CDK14: variants seen among roughly 807,000 people sequenced by gnomAD.
CDK14 encodes the protein cyclin dependent kinase 14, also known as cyclin-dependent kinase 14.
Under a neutral mutation model 60.7 loss-of-function variants are expected in CDK14, and 34 were observed. The ratio of observed to expected loss-of-function variants is 0.56; its 90% CI spans 0.43 to 0.75. The LOEUF is 0.75. Ranked by LOEUF, CDK14 falls within the 30% of genes least tolerant of loss-of-function variation. The pLI, the probability that CDK14 is intolerant of heterozygous loss-of-function variation, is 0.00. For missense variants in CDK14, 482 were observed against 564.1 expected, an observed-to-expected ratio of 0.85 and a Z score of 1.47; for synonymous variants, 197 against 203.7, an observed-to-expected ratio of 0.97 and a Z score of 0.28.
At chr7:90,778,075 A>G (rs1219123083) in intron 4 of CDK14, among the ~76,000 whole-genome samples, 1 of 152,176 alleles carries the variant, frequency 6.6e-6, no homozygotes, top group African/African-American at 2.4e-5. Flanking sequence ...CAGTCCCCCA[A>G]GTAACTCATA....
At chr7:91,148,109 T>G (rs1800713148) in intron 14 of CDK14, among the ~76,000 whole-genome samples, 1 of 152,180 alleles carries the variant, frequency 6.6e-6, no homozygotes, top group African/African-American at 2.4e-5. Context: ...GTGTGGTGAT[T>G]CACGCCTGTA....
intron 5 of CDK14, among the ~76,000 whole-genome samples, chr7:90,852,732 G>A (rs1790689604): frequency 6.6e-6 from 1 of 152,216 alleles, no homozygotes; most frequent in African/African-American, 2.4e-5. Context: ...GGGACTCAGT[G>A]TATTAGTGAC....
intron 10 of CDK14, among the ~76,000 whole-genome samples, chr7:91,031,375 A>G (rs1796754253): frequency 6.6e-6 from 1 of 152,172 alleles, no homozygotes; most frequent in Admixed American, 6.5e-5. Flanking sequence ...TAATCGTCAT[A>G]CAGGAGTTTG....
At chr7:90,921,476 C>T (rs150841782) in intron 8 of CDK14, among the ~76,000 whole-genome samples, 121 of 152,042 alleles carry the variant, frequency 8.0e-4, no homozygotes, top group African/African-American at 2.7e-3. Context: ...TTAGTTTTTG[C>T]TTAAACTGCT....
In CDK14 at chr7:91,208,719, A is replaced by G. The variant is rs769449717; in HGVS notation, c.*1583A>G. 1 of 152,406 alleles carries G rather than the reference A, an allele frequency of 6.6e-6. No individual in the cohort carries two copies. Among genetic ancestry groups the G allele is most frequent in the Admixed American group, 6.5e-5 (1 of 15,282 alleles). The allele number at this position is 152,406 out of a possible 1,614,324, so 9.4% of individuals were successfully genotyped here. ...TTTCTATAATCAAGCTCAATACACC[A>G]AGGAAACTGGATCCAGAATTCCTAA... On this transcript the variant is annotated 3_prime_UTR_variant, in exon 15 of 15. Transcript: ENST00000380050.
chr7:91,126,802 G>T (rs1799961660), intron 14 of CDK14, among the ~76,000 whole-genome samples: 2 of 73,820 alleles, frequency 2.7e-5, no homozygotes, highest in East Asian at 2.7e-4. Context: ...GCAGCCGCTT[G>T]CCTACTCCCT....
intron 7 of CDK14, among the ~76,000 whole-genome samples, chr7:90,901,299 G>T (rs1335152325): frequency 2.0e-5 from 3 of 152,126 alleles, no homozygotes; most frequent in Admixed American, 2.0e-4. Context: ...TGTAGTCAGT[G>T]TAGAAATAAT....
intron 2 of CDK14, among the ~76,000 whole-genome samples, chr7:90,715,437 A>ATAAC (rs1802214397): frequency 6.6e-6 from 1 of 151,892 alleles, no homozygotes; most frequent in Non-Finnish European, 1.5e-5. Context: ...AGTGCTTCTG[A>ATAAC]CATGGTAGAC....
intron 10 of CDK14, among the ~76,000 whole-genome samples, chr7:91,029,855 C>CA (rs1344227254): frequency 6.6e-6 from 1 of 151,976 alleles, no homozygotes; most frequent in Non-Finnish European, 1.5e-5. Context: ...ATATCATTGA[C>CA]AAAAAAACAT....
intron 2 of CDK14, among the ~76,000 whole-genome samples, chr7:90,674,948 A>G (rs1801168040): frequency 1.3e-5 from 2 of 152,224 alleles, no homozygotes; most frequent in Non-Finnish European, 2.9e-5. Context: ...ATGGTGTAGA[A>G]TAAGATCTAA....
chr7:90,642,482 A>G (rs1800361859), intron 2 of CDK14, among the ~76,000 whole-genome samples: 1 of 152,186 alleles, frequency 6.6e-6, no homozygotes, highest in Admixed American at 6.5e-5. Context: ...TCTTTGGATA[A>G]AATTCTGACT....
At chr7:91,130,390 GT>G (rs1800079667) in intron 14 of CDK14, among the ~76,000 whole-genome samples, 1 of 152,186 alleles carries the variant, frequency 6.6e-6, no homozygotes, top group South Asian at 2.1e-4. Context: ...TTTGAATATG[GT>G]AAGTATCAGC....
intron 12 of CDK14, among the ~76,000 whole-genome samples, chr7:91,092,561 C>A (rs529333402): frequency 6.6e-6 from 1 of 152,180 alleles, no homozygotes; most frequent in Non-Finnish European, 1.5e-5. Flanking sequence ...GATGAACATG[C>A]GAATTATCGC....
chr7:90,721,518 T>C (rs2116689459), intron 2 of CDK14, among the ~76,000 whole-genome samples: 1 of 152,304 alleles, frequency 6.6e-6, no homozygotes, highest in African/African-American at 2.4e-5. Flanking sequence ...TCCTTTGTCC[T>C]TCTAGCACGA....
At chr7:90,659,887 G>A (rs59396283) in intron 2 of CDK14, among the ~76,000 whole-genome samples, 41,418 of 145,202 alleles carry the variant, frequency 0.29, 6,195 homozygotes, top group East Asian at 0.63. Flanking sequence ...GTGTGTGTGT[G>A]TGTGTGTGTG....
chr7:90,687,519 A>G (rs1484913255), intron 2 of CDK14, among the ~76,000 whole-genome samples: 1 of 152,130 alleles, frequency 6.6e-6, no homozygotes, highest in African/African-American at 2.4e-5. Context: ...AGATGGAAAC[A>G]GTAGTACTGA....
At position 91,194,765 on chromosome 7, in the gene CDK14, G is replaced by A. The variant is rs1040301042; in HGVS notation, c.*29-12400G>A. Among the ~76,000 whole-genome samples the A allele has an allele frequency of 2.0e-5, 3 of 152,212 alleles. No homozygotes were observed. The East Asian group carries it at 5.8e-4, about 29-fold the overall frequency. On this transcript the variant is annotated intron_variant, in intron 14 of 14. Coordinates refer to ENST00000380050, the MANE Select transcript of CDK14 (RefSeq NM_001287135.2). ...GATGTGCTTCCCAGTCACAGGTGTG[G>A]AAGAGAAATATGTTGCATTCTTGAT...
At chr7:91,113,894 C>T (rs1799539675) in intron 13 of CDK14, among the ~76,000 whole-genome samples, 1 of 152,028 alleles carries the variant, frequency 6.6e-6, no homozygotes, top group South Asian at 2.1e-4. Flanking sequence ...ATCTACTACT[C>T]CCCTTAATGC....
chr7:90,632,364 G>A (rs890109070), intron 2 of CDK14: 1 of 309,638 alleles, frequency 3.2e-6, no homozygotes. Context: ...GTTCAGTGCT[G>A]TGGGTGGTAA....
Sources: allele counts gnomAD v4.1 joint callset (sites outside exome capture counted in the v4.1 genomes callset), GRCh38; gene constraint gnomAD v4.1.1; transcripts MANE v1.5; gene names NCBI Gene and HGNC (gene_info 2026-07-23, HGNC 2026-07-21).